NAT8L: variants seen among roughly 807,000 people sequenced by gnomAD.
The protein encoded by NAT8L is aspartate N-acetyltransferase.
A neutral mutation model predicts 21.2 loss-of-function variants in NAT8L; 6 were observed. That is an observed-to-expected ratio of 0.28 (90% confidence interval 0.16 to 0.56). The LOEUF is 0.56. Ranked by LOEUF, NAT8L falls within the 20% of genes least tolerant of loss-of-function variation. The probability of loss-of-function intolerance (pLI) is 0.93; values close to 1 mark genes in which losing one functional copy is unlikely to be tolerated. For missense variants in NAT8L, 331 were observed against 433.3 expected, an observed-to-expected ratio of 0.76 and a Z score of 2.10; for synonymous variants, 239 against 204.9, an observed-to-expected ratio of 1.17 and a Z score of -1.42.
chr4:2,060,868 C>T lies in NAT8L; in HGVS notation c.377-130C>T. 2.2e-6 allele frequency: 1 copy of T among 464,878 alleles called. No homozygotes were observed. Among genetic ancestry groups the T allele is most frequent in the Non-Finnish European group, 3.7e-6 (1 of 266,982 alleles). 28.8% of individuals were successfully genotyped at this position (464,878 alleles called of 1,614,324 possible). On this transcript the variant is annotated intron_variant, in intron 1 of 2. Transcript: ENST00000423729. The surrounding 1 kb of genome is among the most constrained non-coding windows in gnomAD (Gnocchi z 4.7). ...TGGAAATAGGGAGAAGTAGAAAGCA[C>T]CCGAGATGACCCCGGCTCCTCCACC...
rs1465223929 is a variant in NAT8L at position 2,068,502 on chromosome 4, G to A, written c.*4375G>A. 3 of 152,420 alleles carry A rather than the reference G, an allele frequency of 2.0e-5. No individual in the cohort carries two copies. The highest frequency in any genetic ancestry group is 2.1e-4 in the South Asian group (1 of 4,822). The allele number at this position is 152,420 out of a possible 1,614,324, so 9.4% of individuals were successfully genotyped here. On this transcript the variant is annotated 3_prime_UTR_variant, in exon 3 of 3. Transcript: ENST00000423729. ...GTGCATACATATGCATATGGTGTACGTGTGTGTACTTTGTGTGTGGGCATG... is the reference window on the plus strand; with the variant it reads ...GTGCATACATATGCATATGGTGTACATGTGTGTACTTTGTGTGTGGGCATG...
Position 2,066,566 on chromosome 4 carries a change from T to A in NAT8L, c.*2439T>A, listed in dbSNP as rs2108682043. 1 of 152,322 alleles carries A rather than the reference T, an allele frequency of 6.6e-6. No homozygotes were observed. The allele number at this position is 152,322 out of a possible 1,614,324, so 9.4% of individuals were successfully genotyped here. A position where few individuals can be genotyped will look rare whatever the true frequency, so the allele number is the denominator to read the frequency against. On this transcript the variant is annotated 3_prime_UTR_variant, in exon 3 of 3. Coordinates refer to ENST00000423729, the MANE Select transcript of NAT8L (RefSeq NM_178557.4). ...GGGTGCCTGGTGGGTGGGCCTGACC[T>A]GGCCCACCTCATCCCTCCAGCCTGG...
intron 2 of NAT8L, among the ~76,000 whole-genome samples, chr4:2,062,675 G>A (rs1212039905): frequency 2.0e-5 from 3 of 152,058 alleles, no homozygotes; most frequent in African/African-American, 7.2e-5. Flanking sequence ...TGCCTGCCAG[G>A]CCTCAGTGTC....
chr4:2,062,655 C>T (rs912095671), intron 2 of NAT8L, among the ~76,000 whole-genome samples: 2 of 152,118 alleles, frequency 1.3e-5, no homozygotes, highest in African/African-American at 4.8e-5. Context: ...GCCTTCAGTA[C>T]CCCTTTAGCT....
chr4:2,068,801 A>T lies in NAT8L; in HGVS notation c.*4674A>T, dbSNP rs1267152041. ...CCTGGCCCCTCTTGCCCCTCAGTGGAGCAGGGCCTGGGTGGAGGGCCTGGG... is the reference window on the plus strand; with the variant it reads ...CCTGGCCCCTCTTGCCCCTCAGTGGTGCAGGGCCTGGGTGGAGGGCCTGGG... On this transcript the variant is annotated 3_prime_UTR_variant, in exon 3 of 3. Transcript: ENST00000423729. 3.9e-5 allele frequency: 6 copies of T among 152,030 alleles called. No individual in the cohort carries two copies. The highest frequency in any genetic ancestry group is 5.9e-5 in the Non-Finnish European group (4 of 68,032). The allele number at this position is 152,030 out of a possible 1,614,324, so 9.4% of individuals were successfully genotyped here.
chr4:2,061,612 C>G (rs573626504), intron 2 of NAT8L, among the ~76,000 whole-genome samples: 4 of 152,248 alleles, frequency 2.6e-5, no homozygotes, highest in Admixed American at 2.6e-4. Context: ...GAGCCTTGGC[C>G]TTCACTTCTG....
At position 2,064,352 on chromosome 4, in the gene NAT8L, TC is replaced by T; in HGVS notation, c.*229del. The T allele has an allele frequency of 4.6e-6, 1 of 218,426 alleles. No individual in the cohort carries two copies. 13.5% of individuals were successfully genotyped at this position (218,426 alleles called of 1,614,324 possible). A position where few individuals can be genotyped will look rare whatever the true frequency, so the allele number is the denominator to read the frequency against. On this transcript the variant is annotated 3_prime_UTR_variant, in exon 3 of 3. Transcript: ENST00000423729. ...GTTTGTCGCCATAGCCCCTCGCCCT[TC>T]CCCACCTGCCTGGGCGGCTTGCCAC...
rs1730029210 is a variant in NAT8L at position 2,067,533 on chromosome 4, T to C, written c.*3406T>C. ...TGTGTGGCAGGTGCTGGGGAAGCTC[T>C]CTGGGCCATAGGGACCTGGCTCCCC... On this transcript the variant is annotated 3_prime_UTR_variant, in exon 3 of 3. Transcript: ENST00000423729. 6.6e-6 allele frequency: 1 copy of C among 152,352 alleles called. No individual in the cohort carries two copies. Among genetic ancestry groups the C allele is most frequent in the African/African-American group, 2.4e-5 (1 of 41,458 alleles). The allele number at this position is 152,352 out of a possible 1,614,324, so 9.4% of individuals were successfully genotyped here.
rs1193974088 is a variant in NAT8L, at chr4:2,067,416, C to G, written c.*3289C>G. 1 of 152,454 alleles carries G rather than the reference C, an allele frequency of 6.6e-6. No homozygotes were observed. Among genetic ancestry groups the G allele is most frequent in the African/African-American group, 2.4e-5 (1 of 41,470 alleles). 9.4% of individuals were successfully genotyped at this position (152,454 alleles called of 1,614,324 possible). On this transcript the variant is annotated 3_prime_UTR_variant, in exon 3 of 3. Transcript: ENST00000423729. ...GCCACGAGGTCCTGGGGCCACCCCT[C>G]TCCTGCTCTGGGTGTCCTTCTCAGA...
chr4:2,061,963 C>A (rs796214562), intron 2 of NAT8L, among the ~76,000 whole-genome samples: 1 of 152,188 alleles, frequency 6.6e-6, no homozygotes, highest in Non-Finnish European at 1.5e-5. Context: ...TCCACCCCCG[C>A]GCCACGGCCT....
rs1161884044 is a variant in NAT8L at position 2,068,895 on chromosome 4, T to C, written c.*4768T>C. On this transcript the variant is annotated 3_prime_UTR_variant, in exon 3 of 3. Coordinates refer to ENST00000423729, the MANE Select transcript of NAT8L (RefSeq NM_178557.4). ...GGGGGTGGGGTTCACCTGCTGCTGTTTGTTCCCGAAACTGTACTGTGAGCC... is the reference window on the plus strand; with the variant it reads ...GGGGGTGGGGTTCACCTGCTGCTGTCTGTTCCCGAAACTGTACTGTGAGCC... 2 of 152,208 alleles carry C rather than the reference T, an allele frequency of 1.3e-5. No homozygotes were observed. The highest frequency in any genetic ancestry group is 2.9e-5 in the Non-Finnish European group (2 of 68,132). 9.4% of individuals were successfully genotyped at this position (152,208 alleles called of 1,614,324 possible). A position where few individuals can be genotyped will look rare whatever the true frequency, so the allele number is the denominator to read the frequency against.
rs1730038306 is a variant in NAT8L at position 2,067,964 on chromosome 4, C to T, written c.*3837C>T. The stretch of plus-strand genomic sequence containing the variant: ...ATCCGCTTACTCCTCCGCGCCACGG[C>T]TGCTGTGCTTCCAGAGGTGGCGTGA... On this transcript the variant is annotated 3_prime_UTR_variant, in exon 3 of 3. Coordinates refer to ENST00000423729, the MANE Select transcript of NAT8L (RefSeq NM_178557.4). 2.6e-5 allele frequency: 4 copies of T among 152,332 alleles called. No homozygotes were observed. The highest frequency in any genetic ancestry group is 2.6e-4 in the Admixed American group (4 of 15,294). 9.4% of individuals were successfully genotyped at this position (152,332 alleles called of 1,614,324 possible).
rs1364610242 is a variant in NAT8L, at chr4:2,059,541, C to A, written c.30C>A (p.Cys10Ter). Residue 10 changes from cysteine to a stop codon, truncating the protein, a stop_gained, in exon 1 of 3, where the codon TGC (cysteine) becomes TGA (stop). Transcript: ENST00000423729. LOFTEE classifies it high-confidence loss of function. The surrounding 1 kb of genome is among the most constrained non-coding windows in gnomAD (Gnocchi z 4.8). Reference sequence around the variant, plus strand: ...ATTGTGGGCCTCCCGACATGGTCTGCGAGACGAAGATCGTGGCCGCCGAGG... The same window carrying A: ...ATTGTGGGCCTCCCGACATGGTCTGAGAGACGAAGATCGTGGCCGCCGAGG... Reference protein sequence around the residue: MHCGPPDMVCETKIVAAEDH... With the variant: MHCGPPDMV 1 of 1,002,438 alleles carries A rather than the reference C, an allele frequency of 1.0e-6. No homozygotes were observed. The highest frequency in any genetic ancestry group is 1.2e-6 in the Non-Finnish European group (1 of 840,082). 62.1% of individuals were successfully genotyped at this position (1,002,438 alleles called of 1,614,324 possible).
At position 2,064,188 on chromosome 4, in the gene NAT8L, C is replaced by A. The variant is rs1577668322; in HGVS notation, c.*61C>A. ...CTGTCCGCCTTTGCCCGCCTGCCCG[C>A]CGCCCGGCGCGGCCTGCTTTCAGAC... On this transcript the variant is annotated 3_prime_UTR_variant, in exon 3 of 3. Transcript: ENST00000423729. 13 of 1,140,522 alleles carry A rather than the reference C, an allele frequency of 1.1e-5. No individual in the cohort carries two copies. In the South Asian group the frequency reaches 3.3e-4, roughly 29 times the overall value. 70.7% of individuals were successfully genotyped at this position (1,140,522 alleles called of 1,614,324 possible). A position where few individuals can be genotyped will look rare whatever the true frequency, so the allele number is the denominator to read the frequency against.
Position 2,060,375 on chromosome 4 carries a change from C to T in NAT8L, c.376+488C>T, listed in dbSNP as rs1364665264. Among the ~76,000 whole-genome samples, 2 of 152,340 alleles carry T rather than the reference C, an allele frequency of 1.3e-5. No homozygotes were observed. Among genetic ancestry groups the T allele is most frequent in the African/African-American group, 2.4e-5 (1 of 41,584 alleles). On this transcript the variant is annotated intron_variant, in intron 1 of 2. Transcript: ENST00000423729. The surrounding 1 kb of genome is among the most constrained non-coding windows in gnomAD (Gnocchi z 4.7). ...CCTTCAGCGTCTTTGGGTGCCCTTCCCCTCAGAGCTTCCTGCCGGGGTGAG... is the reference window on the plus strand; with the variant it reads ...CCTTCAGCGTCTTTGGGTGCCCTTCTCCTCAGAGCTTCCTGCCGGGGTGAG...
In NAT8L at chr4:2,060,919, CT is replaced by C; in HGVS notation, c.377-78del. 1 of 737,318 alleles carries C rather than the reference CT, an allele frequency of 1.4e-6. No individual in the cohort carries two copies. The highest frequency in any genetic ancestry group is 2.1e-6 in the Non-Finnish European group (1 of 481,646). 45.7% of individuals were successfully genotyped at this position (737,318 alleles called of 1,614,324 possible). On this transcript the variant is annotated intron_variant, in intron 1 of 2. Coordinates refer to ENST00000423729, the MANE Select transcript of NAT8L (RefSeq NM_178557.4). The surrounding 1 kb of genome is among the most constrained non-coding windows in gnomAD (Gnocchi z 4.7). ...AGGAGCGCGGCCGGGCGCGGCGTCCCTAGCGGGCTTCGCCGGGGTGGCGTCT... is the reference window on the plus strand; with the variant it reads ...AGGAGCGCGGCCGGGCGCGGCGTCCCAGCGGGCTTCGCCGGGGTGGCGTCT...
At chr4:2,062,229 T>G (rs1729907564) in intron 2 of NAT8L, among the ~76,000 whole-genome samples, 1 of 152,160 alleles carries the variant, frequency 6.6e-6, no homozygotes, top group Non-Finnish European at 1.5e-5. Flanking sequence ...GCTGGATAGC[T>G]GCTGATGGCC....
chr4:2,067,555 C>T lies in NAT8L; in HGVS notation c.*3428C>T, dbSNP rs1012294390. The T allele has an allele frequency of 2.6e-5, 4 of 152,312 alleles. No homozygotes were observed. Among genetic ancestry groups the T allele is most frequent in the Admixed American group, 2.0e-4 (3 of 15,290 alleles). 9.4% of individuals were successfully genotyped at this position (152,312 alleles called of 1,614,324 possible). A position where few individuals can be genotyped will look rare whatever the true frequency, so the allele number is the denominator to read the frequency against. On this transcript the variant is annotated 3_prime_UTR_variant, in exon 3 of 3. Transcript: ENST00000423729. ...CTCTCTGGGCCATAGGGACCTGGCT[C>T]CCCTCTGAGAGGCCCGCCTGCCCTG...
rs1447749064 is a variant in NAT8L, at chr4:2,060,233, T to C, written c.376+346T>C. Among the ~76,000 whole-genome samples the C allele has an allele frequency of 6.6e-6, 1 of 151,798 alleles. No individual in the cohort carries two copies. Among genetic ancestry groups the C allele is most frequent in the Non-Finnish European group, 1.5e-5 (1 of 67,870 alleles). On this transcript the variant is annotated intron_variant, in intron 1 of 2. Coordinates refer to ENST00000423729, the MANE Select transcript of NAT8L (RefSeq NM_178557.4). The surrounding 1 kb of genome is among the most constrained non-coding windows in gnomAD (Gnocchi z 4.7). ...CTGGGCCCCGGCGAGTGCCTAAATA[T>C]AATCTGCGGGCGGGGGAGGCCGCCT... is the stretch of plus-strand genomic sequence containing the variant.
Sources: allele counts gnomAD v4.1 joint callset (sites outside exome capture counted in the v4.1 genomes callset), GRCh38; gene constraint gnomAD v4.1.1; non-coding constraint Gnocchi (gnomAD v3.1); transcripts MANE v1.5; gene names NCBI Gene and HGNC (gene_info 2026-07-23, HGNC 2026-07-21).